RBFOX1: variants seen among roughly 807,000 people sequenced by gnomAD.
RBFOX1 encodes the protein RNA binding fox-1 homolog 1, also known as RNA binding protein fox-1 homolog 1.
In RBFOX1, 8 loss-of-function variants were observed where a neutral mutation model predicts 57.7. That is an observed-to-expected ratio of 0.14 (90% CI 0.08 to 0.25). RBFOX1 has a LOEUF of 0.25. Ranked by LOEUF, RBFOX1 falls within the 10% of genes least tolerant of loss-of-function variation. The pLI, the probability that RBFOX1 is intolerant of heterozygous loss-of-function variation, is 1.00. For missense variants in RBFOX1, 611 were observed against 548.5 expected (o/e 1.11, Z -1.14); for synonymous variants, 326 against 222.4 (o/e 1.47, Z -4.15).
chr16:7,693,188 A>G (rs2077756195), intron 14 of RBFOX1: 10 of 729,310 alleles, frequency 1.4e-5, no homozygotes, highest in South Asian at 1.4e-4. Context: ...ACATCAGCAC[A>G]TTTCCTCGCA....
rs181955549 is a variant in RBFOX1 at position 7,296,155 on chromosome 16, G to T, written c.28-221992G>T. On this transcript the variant is annotated intron_variant, in intron 4 of 15. Transcript: ENST00000550418. ...GGATTCTGTAATGACATTTTCGACA[G>T]ACTGCAGCTAAATGAGAAAATTAAG... Among the ~76,000 whole-genome samples the T allele has an allele frequency of 1.8e-3, 266 of 151,374 alleles. 4 individuals are homozygous for T. The highest frequency in any genetic ancestry group is 4.2e-3 in the African/African-American group (173 of 41,194).
At chr16:5,408,582 T>A (rs780045530) in intron 1 of RBFOX1, among the ~76,000 whole-genome samples, 3 of 152,170 alleles carry the variant, frequency 2.0e-5, no homozygotes. Context: ...GCTTCGGGTG[T>A]GTGGCTGCTG....
chr16:7,292,266 G>T (rs9934068), intron 4 of RBFOX1, among the ~76,000 whole-genome samples: 14,696 of 94,084 alleles, frequency 0.16, 1,586 homozygotes, highest in African/African-American at 0.19. Flanking sequence ...ATATGATATA[G>T]AACGTATTAT....
At chr16:7,404,953 C>G (rs917428874) in intron 4 of RBFOX1, among the ~76,000 whole-genome samples, 20 of 152,142 alleles carry the variant, frequency 1.3e-4, no homozygotes, top group African/African-American at 4.6e-4. Flanking sequence ...TTTCTCATGT[C>G]TACTCCCTCT....
chr16:6,521,560 C>T (rs1268990754), intron 2 of RBFOX1, among the ~76,000 whole-genome samples: 1 of 147,710 alleles, frequency 6.8e-6, no homozygotes, highest in Admixed American at 6.7e-5. Context: ...TTCCCTCGCT[C>T]TCTTTGTCTT....
chr16:7,093,053 C>G (rs978605589), intron 4 of RBFOX1, among the ~76,000 whole-genome samples: 4 of 152,180 alleles, frequency 2.6e-5, no homozygotes, highest in Non-Finnish European at 5.9e-5. Context: ...TTCCAAAGTT[C>G]AGCATTTCTG....
At chr16:6,979,795 C>A (rs563880657) in intron 3 of RBFOX1, among the ~76,000 whole-genome samples, 1 of 152,136 alleles carries the variant, frequency 6.6e-6, no homozygotes, top group African/African-American at 2.4e-5. Context: ...GGTATTCCAC[C>A]CTTTTCTCCT....
intron 3 of RBFOX1, among the ~76,000 whole-genome samples, chr16:6,719,862 G>A (rs1430559919): frequency 6.6e-6 from 1 of 152,022 alleles, no homozygotes; most frequent in South Asian, 2.1e-4. Flanking sequence ...GGAAGCCTGG[G>A]CGGGCGGATC....
At chr16:5,707,206 A>C (rs868741387) in intron 3 of RBFOX1, among the ~76,000 whole-genome samples, 1 of 152,072 alleles carries the variant, frequency 6.6e-6, no homozygotes, top group Non-Finnish European at 1.5e-5. Context: ...ACCTGTAACT[A>C]TCTCTAATTC....
intron 2 of RBFOX1, among the ~76,000 whole-genome samples, chr16:5,566,333 G>A (rs6500698): frequency 0.41 from 61,914 of 151,826 alleles, 13,905 homozygotes; most frequent in African/African-American, 0.6. Context: ...AAGATAGACC[G>A]TTGATGTATA....
intron 2 of RBFOX1, among the ~76,000 whole-genome samples, chr16:6,630,042 C>T (rs2098364599): frequency 6.6e-6 from 1 of 150,884 alleles, no homozygotes; most frequent in Admixed American, 6.6e-5. Flanking sequence ...GTGTCATCTG[C>T]CTGAAAAATC....
chr16:7,178,721 A>T lies in RBFOX1; in HGVS notation c.27+126623A>T, dbSNP rs150641610. The stretch of plus-strand genomic sequence containing the variant: ...AGTCATTATCAGTTTTGTTAATCAC[A>T]TGCCGGACCTCAGATGTATTGCTGT... On this transcript the variant is annotated intron_variant, in intron 4 of 15. Coordinates refer to ENST00000550418, the MANE Select transcript of RBFOX1 (RefSeq NM_018723.4). Among the ~76,000 whole-genome samples, 195 of 152,306 alleles carry T rather than the reference A, an allele frequency of 1.3e-3. 2 individuals carry two copies. The highest frequency in any genetic ancestry group is 4.5e-3 in the African/African-American group (187 of 41,560).
At chr16:6,812,771 A>G (rs948719353) in intron 3 of RBFOX1, among the ~76,000 whole-genome samples, 2 of 152,178 alleles carry the variant, frequency 1.3e-5, no homozygotes, top group East Asian at 1.9e-4. Context: ...ATTTGTGCTC[A>G]TAAGCGGCAT....
At chr16:5,576,997 C>T (rs1157059564) in intron 2 of RBFOX1, among the ~76,000 whole-genome samples, 1 of 152,162 alleles carries the variant, frequency 6.6e-6, no homozygotes, top group African/African-American at 2.4e-5. Flanking sequence ...GTTCAGAACC[C>T]TCGGCGGAGG....
At chr16:5,253,804 AG>A (rs1394767240) in intron 1 of RBFOX1, among the ~76,000 whole-genome samples, 11 of 152,186 alleles carry the variant, frequency 7.2e-5, no homozygotes, top group African/African-American at 2.7e-4. Context: ...TTCCTGCCAC[AG>A]GGCCTTTGCA....
At chr16:7,195,799 T>C (rs746732209) in intron 4 of RBFOX1, among the ~76,000 whole-genome samples, 1 of 152,180 alleles carries the variant, frequency 6.6e-6, no homozygotes, top group Non-Finnish European at 1.5e-5. Context: ...GTAATCTGCC[T>C]GCCTCTGCCT....
chr16:7,659,689 G>A (rs1597476002), intron 12 of RBFOX1, among the ~76,000 whole-genome samples: 1 of 152,232 alleles, frequency 6.6e-6, no homozygotes, highest in Non-Finnish European at 1.5e-5. Flanking sequence ...TGCAGCATAT[G>A]GGCTGCGGTT....
intron 2 of RBFOX1, among the ~76,000 whole-genome samples, chr16:5,471,648 A>G (rs1436494138): frequency 6.6e-6 from 1 of 152,190 alleles, no homozygotes. Context: ...CCAAGGCAGA[A>G]CATCCCCCAG....
At chr16:5,884,431 T>G (rs1252611295) in intron 4 of RBFOX1, among the ~76,000 whole-genome samples, 2 of 151,756 alleles carry the variant, frequency 1.3e-5, no homozygotes, top group African/African-American at 4.8e-5. Context: ...CCAAAATCCA[T>G]CTGTTCCACC....
Sources: allele counts gnomAD v4.1 joint callset (sites outside exome capture counted in the v4.1 genomes callset), GRCh38; gene constraint gnomAD v4.1.1; transcripts MANE v1.5; gene names NCBI Gene and HGNC (gene_info 2026-07-23, HGNC 2026-07-21).